ANKHD1: variants seen among roughly 807,000 people sequenced by gnomAD.
The protein encoded by ANKHD1 is ankyrin repeat and KH domain containing 1.
A neutral mutation model predicts 230.5 loss-of-function variants in ANKHD1; 31 were observed. That is an observed-to-expected ratio of 0.13 (90% CI 0.10 to 0.18). The LOEUF (loss-of-function observed/expected upper bound fraction) is 0.18, where lower values mean the gene tolerates loss of function less well. ANKHD1 is among the 10% of genes least tolerant of loss of function. The pLI, the probability that ANKHD1 is intolerant of heterozygous loss-of-function variation, is 1.00. For synonymous variants in ANKHD1, 1,074 were observed against 1,117.6 expected, an observed-to-expected ratio of 0.96 and a Z score of 0.78; for missense variants, 2,256 against 3,071.3, an observed-to-expected ratio of 0.73 and a Z score of 6.27.
intron 1 of ANKHD1, among the ~76,000 whole-genome samples, chr5:140,414,672 A>G (rs992274421): frequency 3.9e-5 from 6 of 152,022 alleles, no homozygotes; most frequent in Non-Finnish European, 1.5e-5. Context: ...CTCTACAAAA[A>G]GTAAAAAAAA....
chr5:140,490,774 A>G (rs189271769), intron 14 of ANKHD1, among the ~76,000 whole-genome samples: 1 of 152,234 alleles, frequency 6.6e-6, no homozygotes, highest in African/African-American at 2.4e-5. Context: ...GTATACCTCA[A>G]GCCCTCCTGA....
chr5:140,509,581 C>A, intron 20 of ANKHD1, 56 bp from the exon 21 acceptor site: 1 of 1,445,712 alleles, frequency 6.9e-7, no homozygotes, highest in Non-Finnish European at 9.1e-7. Flanking sequence ...TTTTGGTCTA[C>A]GGAATAGTTA....
chr5:140,452,837 C>T (rs1262421170), intron 7 of ANKHD1, among the ~76,000 whole-genome samples: 1 of 152,212 alleles, frequency 6.6e-6, no homozygotes, highest in Non-Finnish European at 1.5e-5. Context: ...GAACGCAGCT[C>T]CTCACCAGCA....
chr5:140,456,122 A>C (rs1775166473), intron 7 of ANKHD1, among the ~76,000 whole-genome samples: 1 of 152,194 alleles, frequency 6.6e-6, no homozygotes, highest in Admixed American at 6.5e-5. Flanking sequence ...TGCTTCAAAG[A>C]GAATAAAATA....
intron 24 of ANKHD1, among the ~76,000 whole-genome samples, chr5:140,514,048 G>A (rs1454356823): frequency 6.6e-6 from 1 of 151,724 alleles, no homozygotes; most frequent in African/African-American, 2.4e-5. Flanking sequence ...AGTTGGGCAT[G>A]GTGGTACATG....
intron 31 of ANKHD1, chr5:140,537,801 C>G: frequency 1.1e-6 from 1 of 896,340 alleles, no homozygotes; most frequent in Non-Finnish European, 1.6e-6. Context: ...TAATCAGAAA[C>G]AAAAGATTCA....
chr5:140,445,150 G>A (rs746227649), intron 5 of ANKHD1, among the ~76,000 whole-genome samples: 31 of 151,706 alleles, frequency 2.0e-4, no homozygotes, highest in Admixed American at 1.1e-3. Flanking sequence ...GTGAGCCATC[G>A]CACCTGGCCA....
At chr5:140,498,185 A>T (rs1181594647) in intron 15 of ANKHD1, 1 of 152,244 alleles carries the variant, frequency 6.6e-6, no homozygotes, top group Non-Finnish European at 1.5e-5. Context: ...CTGGAGTGAT[A>T]TTCAAAGGCA....
intron 14 of ANKHD1, among the ~76,000 whole-genome samples, chr5:140,489,051 G>A (rs958856592): frequency 1.3e-5 from 2 of 152,074 alleles, no homozygotes; most frequent in African/African-American, 4.8e-5. Flanking sequence ...TTAGCCAGGA[G>A]TGGTGGCACA....
At chr5:140,501,894 C>A (rs1413147221) in intron 15 of ANKHD1, among the ~76,000 whole-genome samples, 1 of 151,988 alleles carries the variant, frequency 6.6e-6, no homozygotes, top group Non-Finnish European at 1.5e-5. Context: ...ACTTCTCTCA[C>A]CTCATTTTAA....
intron 1 of ANKHD1, among the ~76,000 whole-genome samples, chr5:140,428,170 GGGCTCCTCACATCCCAGACGAT>G (rs1772697402): frequency 6.6e-6 from 1 of 151,130 alleles, no homozygotes; most frequent in Non-Finnish European, 1.5e-5. Flanking sequence ...CCAGGCAGAG[GGGCTCCTCACATCCCAGACGAT>G]GGGCGGCCAG....
intron 20 of ANKHD1, 34 bp downstream of exon 20, chr5:140,508,032 A>G: frequency 6.3e-7 from 1 of 1,588,348 alleles, no homozygotes; most frequent in Non-Finnish European, 8.6e-7. Context: ...TATTTCAGAT[A>G]CATTTCTGTA....
Position 140,539,840 on chromosome 5 carries a change from A to G in ANKHD1, c.*422A>G, listed in dbSNP as rs1754221475. ...ATTTACCAGAATATTCAATAAAAAG[A>G]TGAACAGTCTTTAGAAGTGGGGTGT... On this transcript the variant is annotated 3_prime_UTR_variant, in exon 34 of 34. Coordinates refer to ENST00000360839, the MANE Select transcript of ANKHD1 (RefSeq NM_017747.3). 1 of 157,820 alleles carries G rather than the reference A, an allele frequency of 6.3e-6. No homozygotes were observed. Among genetic ancestry groups the G allele is most frequent in the Non-Finnish European group, 1.4e-5 (1 of 71,390 alleles). 9.8% of individuals were successfully genotyped at this position (157,820 alleles called of 1,614,324 possible).
intron 24 of ANKHD1, among the ~76,000 whole-genome samples, chr5:140,516,046 G>C (rs905606657): frequency 2.0e-5 from 3 of 151,948 alleles, no homozygotes; most frequent in Non-Finnish European, 4.4e-5. Context: ...TGAAAACTTT[G>C]AAAAAAATTT....
chr5:140,448,275 A>G (rs998502016), intron 6 of ANKHD1, among the ~76,000 whole-genome samples: 2 of 152,220 alleles, frequency 1.3e-5, no homozygotes, highest in African/African-American at 4.8e-5. Context: ...TAGATGTACC[A>G]TAATTGCCTA....
chr5:140,419,448 TTC>T (rs1771685016), intron 1 of ANKHD1, among the ~76,000 whole-genome samples: 1 of 143,538 alleles, frequency 7.0e-6, no homozygotes, highest in Non-Finnish European at 1.6e-5. Context: ...TTCATTTTCT[TTC>T]TTTCTTTTTT....
At chr5:140,488,223 G>C (rs1056611603) in intron 14 of ANKHD1, among the ~76,000 whole-genome samples, 5 of 152,046 alleles carry the variant, frequency 3.3e-5, no homozygotes, top group African/African-American at 9.7e-5. Context: ...TTTTCTTTGG[G>C]GGGGAGTTTA....
intron 5 of ANKHD1, among the ~76,000 whole-genome samples, chr5:140,443,680 TA>T (rs572970598): frequency 0.051 from 5,386 of 104,762 alleles, 217 homozygotes; most frequent in Admixed American, 0.13. Context: ...ACTCCGTCTA[TA>T]AAAAAAAAAA....
rs2126825115 is a variant in ANKHD1, at chr5:140,402,136, G to GGCAGCAGCGGCGGCGGCGGCA, written c.172_192dup (p.Ser58_Ser64dup). 2 of 1,545,250 alleles carry GGCAGCAGCGGCGGCGGCGGCA rather than the reference G, an allele frequency of 1.3e-6. No individual in the cohort carries two copies. Among genetic ancestry groups the GGCAGCAGCGGCGGCGGCGGCA allele is most frequent in the African/African-American group, 2.8e-5 (2 of 71,064 alleles). On this transcript the variant is annotated inframe_insertion, in exon 1 of 34. Coordinates refer to ENST00000360839, the MANE Select transcript of ANKHD1 (RefSeq NM_017747.3). Reference sequence around the variant, plus strand: ...GGAGGCCGGGCCAGCGTCGGGAGTCGGCAGCAGCGGCGGCGGCGGCAGCGG... The same window carrying GGCAGCAGCGGCGGCGGCGGCA: ...GGAGGCCGGGCCAGCGTCGGGAGTCGGCAGCAGCGGCGGCGGCGGCAGCAGCAGCGGCGGCGGCGGCAGCGG...
Sources: gnomAD v4.1 joint callset for allele counts (sites outside exome capture counted in the v4.1 genomes callset) on GRCh38, gnomAD v4.1.1 for gene constraint, MANE v1.5 for transcripts, NCBI Gene and HGNC (gene_info 2026-07-23, HGNC 2026-07-21) for gene names.